Variants in RBFOX3 observed in about 807,000 individuals in gnomAD.
The protein encoded by RBFOX3 is RNA binding protein fox-1 homolog 3.
A neutral mutation model predicts 48.7 loss-of-function variants in RBFOX3; 17 were observed. That is an observed-to-expected ratio of 0.35 (90% confidence interval 0.24 to 0.52). RBFOX3 has a LOEUF of 0.52. RBFOX3 is among the 20% of genes least tolerant of loss of function. RBFOX3 has a pLI of 0.94. For synonymous variants in RBFOX3, 212 were observed against 209.5 expected, an observed-to-expected ratio of 1.01 and a Z score of -0.10; for missense variants, 382 against 497.5, an observed-to-expected ratio of 0.77 and a Z score of 2.21.
chr17:79,537,044 C>A (rs1314049677), intron 1 of RBFOX3, among the ~76,000 whole-genome samples: 1 of 151,750 alleles, frequency 6.6e-6, no homozygotes, highest in Non-Finnish European at 1.5e-5. Flanking sequence ...GAGATCACAC[C>A]ACTGCACTCC....
At position 79,548,383 on chromosome 17, in the gene RBFOX3, G is replaced by A. The variant is rs972378333; in HGVS notation, c.-320+62443C>T. Among the ~76,000 whole-genome samples, 6 of 152,210 alleles carry A rather than the reference G, an allele frequency of 3.9e-5. No homozygotes were observed. The East Asian group carries it at 5.8e-4, about 15-fold the overall frequency. The stretch of plus-strand genomic sequence containing the variant: ...CTTGCATCTGTGACTCCCGAGGCTC[G>A]GAGGTCCAAGTCAGCGTCCTGCCTG... On this transcript the variant is annotated intron_variant, in intron 1 of 14. Transcript: ENST00000693108.
chr17:79,554,755 C>G (rs1248991517), intron 1 of RBFOX3, among the ~76,000 whole-genome samples: 1 of 152,222 alleles, frequency 6.6e-6, no homozygotes, highest in East Asian at 1.9e-4. Context: ...CATTATAACT[C>G]TAAAACCAAT....
intron 1 of RBFOX3, among the ~76,000 whole-genome samples, chr17:79,549,302 C>T (rs1555792884): frequency 6.6e-6 from 1 of 152,246 alleles, no homozygotes; most frequent in African/African-American, 2.4e-5. Flanking sequence ...CAGAGAAGCT[C>T]CGCCCCCTGG....
chr17:79,614,447 T>TC (rs1187316808), upstream of RBFOX3, among the ~76,000 whole-genome samples: 1 of 147,374 alleles, frequency 6.8e-6, no homozygotes, highest in Non-Finnish European at 1.5e-5. Context: ...CAGGCCCCAC[T>TC]CCCTGCTCGG....
intron 3 of RBFOX3, among the ~76,000 whole-genome samples, chr17:79,271,597 C>T (rs556518762): frequency 6.6e-6 from 1 of 152,272 alleles, no homozygotes; most frequent in East Asian, 1.9e-4. Flanking sequence ...GGGCCATGTT[C>T]CTACCACCAA....
At chr17:79,474,828 C>T (rs1353235834) in intron 2 of RBFOX3, among the ~76,000 whole-genome samples, 1 of 152,148 alleles carries the variant, frequency 6.6e-6, no homozygotes, top group Middle Eastern at 3.2e-3. Flanking sequence ...CCCGTGCCCA[C>T]CCAAAAATGT....
upstream of RBFOX3, among the ~76,000 whole-genome samples, chr17:79,611,058 G>C (rs2093958699): frequency 1.3e-5 from 2 of 149,542 alleles, no homozygotes; most frequent in African/African-American, 2.5e-5. Flanking sequence ...TGCTGGCTTC[G>C]GAGCAGCCCC....
chr17:79,341,930 A>C (rs190372131), intron 2 of RBFOX3, among the ~76,000 whole-genome samples: 1 of 152,360 alleles, frequency 6.6e-6, no homozygotes, highest in African/African-American at 2.4e-5. Flanking sequence ...AAAGAGATGA[A>C]AAGTGGAATT....
chr17:79,280,891 C>G (rs2070307181), intron 3 of RBFOX3, among the ~76,000 whole-genome samples: 1 of 151,870 alleles, frequency 6.6e-6, no homozygotes, highest in Non-Finnish European at 1.5e-5. Flanking sequence ...CACAGCTCTG[C>G]CATCCATCAC....
chr17:79,261,740 C>T (rs1029005861), intron 3 of RBFOX3, among the ~76,000 whole-genome samples: 3 of 152,234 alleles, frequency 2.0e-5, no homozygotes, highest in Non-Finnish European at 2.9e-5. Flanking sequence ...CTGGTCGCCA[C>T]GGGGACCTTG....
chr17:79,306,589 G>A (rs2076135824), intron 3 of RBFOX3, among the ~76,000 whole-genome samples: 1 of 152,216 alleles, frequency 6.6e-6, no homozygotes, highest in South Asian at 2.1e-4. Context: ...GTCTTCCTCA[G>A]GGGCCATCCC....
upstream of RBFOX3, among the ~76,000 whole-genome samples, chr17:79,614,456 G>A (rs1264138496): frequency 1.5e-5 from 2 of 131,180 alleles, no homozygotes; most frequent in African/African-American, 5.9e-5. Flanking sequence ...CTCCCTGCTC[G>A]GAGCTGCCAA....
At chr17:79,313,283 CT>C (rs2077097265) in intron 2 of RBFOX3, among the ~76,000 whole-genome samples, 1 of 152,158 alleles carries the variant, frequency 6.6e-6, no homozygotes, top group African/African-American at 2.4e-5. Flanking sequence ...GCTCCAGGGG[CT>C]TTCTTAGTGA....
chr17:79,324,779 G>A (rs550392683), intron 2 of RBFOX3, among the ~76,000 whole-genome samples: 3 of 152,220 alleles, frequency 2.0e-5, no homozygotes, highest in Non-Finnish European at 4.4e-5. Context: ...ACCTGCACCC[G>A]TGGGAGGCAG....
intron 2 of RBFOX3, among the ~76,000 whole-genome samples, chr17:79,430,146 C>T (rs2068152819): frequency 1.3e-5 from 2 of 152,134 alleles, no homozygotes; most frequent in African/African-American, 4.8e-5. Context: ...CCAGCCGTCG[C>T]TTTGAAGACG....
At chr17:79,337,070 A>G (rs78361670) in intron 2 of RBFOX3, among the ~76,000 whole-genome samples, 13,811 of 152,056 alleles carry the variant, frequency 0.091, 838 homozygotes, top group South Asian at 0.19. Flanking sequence ...GTGAGAGGAG[A>G]TTTTACCACT....
At chr17:79,638,398 A>G in the RBFOX3 span, among the ~76,000 whole-genome samples, 1 of 152,136 alleles carries the variant, frequency 6.6e-6, no homozygotes, top group Admixed American at 6.5e-5. Context: ...AGAAATTTTA[A>G]AAGAGGTATT....
At chr17:79,527,059 G>C (rs2086893371) in intron 1 of RBFOX3, among the ~76,000 whole-genome samples, 1 of 151,984 alleles carries the variant, frequency 6.6e-6, no homozygotes, top group Non-Finnish European at 1.5e-5. Flanking sequence ...GGCAGCCTGA[G>C]CTCCACCTCT....
Position 79,379,166 on chromosome 17 carries a change from C to T in RBFOX3, c.-174-71342G>A, listed in dbSNP as rs186928479. ...AGGGCAACCGTCCCATGGCACGCGT[C>T]GGGGTGAGCCAGCCATGCGCTTGCT... On this transcript the variant is annotated intron_variant, in intron 2 of 14. Transcript: ENST00000693108. 2.8e-4 allele frequency among the ~76,000 whole-genome samples: 43 copies of T among 152,314 alleles called. No homozygotes were observed. In the East Asian group the frequency reaches 6.6e-3, roughly 23 times the overall value.
Sources: gnomAD v4.1 joint callset for allele counts (sites outside exome capture counted in the v4.1 genomes callset) on GRCh38, gnomAD v4.1.1 for gene constraint, MANE v1.5 for transcripts, NCBI Gene and HGNC (gene_info 2026-07-23, HGNC 2026-07-21) for gene names.